The following PRR5L variants were observed in gnomAD, a reference collection of about 807,000 sequenced individuals.
The protein encoded by PRR5L is proline rich 5 like, also known as proline-rich protein 5-like.
A neutral mutation model predicts 36.4 loss-of-function variants in PRR5L; 21 were observed. The observed-to-expected ratio is 0.58, with a 90% CI of 0.41 to 0.83. The LOEUF is 0.83. PRR5L is among the 40% of genes least tolerant of loss of function. The probability of loss-of-function intolerance (pLI) is 0.00; values close to 1 mark genes in which losing one functional copy is unlikely to be tolerated. For missense variants in PRR5L, 381 were observed against 473.3 expected (o/e 0.80, Z 1.81); for synonymous variants, 188 against 197.0 (o/e 0.95, Z 0.38).
chr11:36,360,075 C>CCA (rs34673599), intron 1 of PRR5L, among the ~76,000 whole-genome samples: 208 of 148,208 alleles, frequency 1.4e-3, no homozygotes, highest in African/African-American at 3.7e-3. Flanking sequence ...ACACACACAC[C>CCA]CACACACACA....
rs547326960 is a variant in PRR5L at position 36,428,223 on chromosome 11, G to A, written c.295-3630G>A. On this transcript the variant is annotated intron_variant, in intron 4 of 8. Transcript: ENST00000530639. ...TGTAGGTGCCTGAAAATCCCTCCTG[G>A]GGAGGTGGTGAGGAGGCAGGGCCAT... is the stretch of plus-strand genomic sequence containing the variant. 2.0e-5 allele frequency among the ~76,000 whole-genome samples: 3 copies of A among 152,274 alleles called. No homozygotes were observed. In the South Asian group the frequency reaches 6.2e-4, roughly 32 times the overall value.
Position 36,464,718 on chromosome 11 carries a change from T to G in PRR5L, c.*1982T>G, listed in dbSNP as rs1590621306. The G allele has an allele frequency of 6.6e-6, 1 of 152,296 alleles. No individual in the cohort carries two copies. The highest frequency in any genetic ancestry group is 2.4e-5 in the African/African-American group (1 of 41,574). The allele number at this position is 152,296 out of a possible 1,614,324, so 9.4% of individuals were successfully genotyped here. On this transcript the variant is annotated 3_prime_UTR_variant, in exon 9 of 9. Transcript: ENST00000530639. ...AGTAATTAATTAATCATGCTTGGGC[T>G]TACTTTTTCAGTTTGTAAGGTTAAG... is the stretch of plus-strand genomic sequence containing the variant.
intron 1 of PRR5L, among the ~76,000 whole-genome samples, chr11:36,367,852 T>C (rs1056244021): frequency 2.0e-5 from 3 of 151,664 alleles, no homozygotes; most frequent in African/African-American, 7.3e-5. Flanking sequence ...CCAGGGTGTA[T>C]GTGAGGGAGT....
intron 1 of PRR5L, among the ~76,000 whole-genome samples, chr11:36,327,771 T>C (rs1037426357): frequency 2.0e-5 from 3 of 152,208 alleles, no homozygotes; most frequent in Admixed American, 6.5e-5. Context: ...GGTCTTTAGA[T>C]AATAACTCTT....
At chr11:36,459,521 G>A (rs1488385505) in intron 8 of PRR5L, among the ~76,000 whole-genome samples, 1 of 152,162 alleles carries the variant, frequency 6.6e-6, no homozygotes, top group Non-Finnish European at 1.5e-5. Context: ...GGCTTACCCG[G>A]TTTTTGGAGG....
chr11:36,348,188 A>AC (rs1856886696), intron 1 of PRR5L, among the ~76,000 whole-genome samples: 1 of 151,978 alleles, frequency 6.6e-6, no homozygotes, highest in South Asian at 2.1e-4. Flanking sequence ...GGTCCCCTTA[A>AC]CTTCACAACA....
In PRR5L at chr11:36,464,416, G is replaced by T. The variant is rs1035889338; in HGVS notation, c.*1680G>T. 1 of 152,166 alleles carries T rather than the reference G, an allele frequency of 6.6e-6. No individual in the cohort carries two copies. The highest frequency in any genetic ancestry group is 2.4e-5 in the African/African-American group (1 of 41,432). The allele number at this position is 152,166 out of a possible 1,614,324, so 9.4% of individuals were successfully genotyped here. A position where few individuals can be genotyped will look rare whatever the true frequency, so the allele number is the denominator to read the frequency against. ...ATTGATTAGAATTGTGCTCTTGATGGCTGGGAATTTAGAAATTTTATTTTA... is the reference window on the plus strand; with the variant it reads ...ATTGATTAGAATTGTGCTCTTGATGTCTGGGAATTTAGAAATTTTATTTTA... On this transcript the variant is annotated 3_prime_UTR_variant, in exon 9 of 9. Coordinates refer to ENST00000530639, the MANE Select transcript of PRR5L (RefSeq NM_001160167.2).
chr11:36,384,936 G>A (rs1286761049), intron 1 of PRR5L, among the ~76,000 whole-genome samples: 4 of 150,818 alleles, frequency 2.7e-5, no homozygotes, highest in Non-Finnish European at 5.9e-5. Flanking sequence ...CTCCTAAATT[G>A]CTGGGATTAT....
rs143727469 is a variant in PRR5L, at chr11:36,324,295, AT to A, written c.-126+27858del. Among the ~76,000 whole-genome samples, 928 of 152,306 alleles carry A rather than the reference AT, an allele frequency of 6.1e-3. 12 individuals carry two copies. Among genetic ancestry groups the A allele is most frequent in the African/African-American group, 0.021 (878 of 41,536 alleles). Reference sequence around the variant, plus strand: ...GTGTTCCAGAAGCCAGACCCAAAAAATATATACTGCATCATTCAATTTAGAT... The same window carrying A: ...GTGTTCCAGAAGCCAGACCCAAAAAAATATACTGCATCATTCAATTTAGAT... On this transcript the variant is annotated intron_variant, in intron 1 of 8. Transcript: ENST00000530639.
chr11:36,341,099 G>A (rs1271526639), intron 1 of PRR5L, among the ~76,000 whole-genome samples: 1 of 152,144 alleles, frequency 6.6e-6, no homozygotes, highest in Non-Finnish European at 1.5e-5. Flanking sequence ...GAAACATGGT[G>A]CTGGACTAAG....
At chr11:36,419,452 G>A (rs1052509047) in intron 4 of PRR5L, 149 bp downstream of exon 4, 4 of 718,180 alleles carry the variant, frequency 5.6e-6, no homozygotes, top group Non-Finnish European at 5.1e-6. Context: ...CGTTGCAGAG[G>A]GGCACCACTC....
chr11:36,442,857 T>G (rs530547059), intron 6 of PRR5L, among the ~76,000 whole-genome samples: 162 of 152,286 alleles, frequency 1.1e-3, no homozygotes, highest in Non-Finnish European at 2.0e-3. Flanking sequence ...TATTACCATT[T>G]AACTAGTCTC....
At chr11:36,312,277 A>G (rs1590431146) in intron 1 of PRR5L, among the ~76,000 whole-genome samples, 1 of 152,228 alleles carries the variant, frequency 6.6e-6, no homozygotes, top group Non-Finnish European at 1.5e-5. Context: ...ATCATGAGTC[A>G]TCAGAGTGTA....
chr11:36,395,824 C>T (rs7112360), intron 1 of PRR5L, among the ~76,000 whole-genome samples: 20,930 of 152,052 alleles, frequency 0.14, 1,973 homozygotes, highest in African/African-American at 0.27. Context: ...TGGGCCCAAG[C>T]GATCATCCTG....
chr11:36,427,396 G>A (rs1032719782), intron 4 of PRR5L, among the ~76,000 whole-genome samples: 1 of 152,054 alleles, frequency 6.6e-6, no homozygotes, highest in Non-Finnish European at 1.5e-5. Context: ...GCCTGGGGAG[G>A]TGGTGGGGTT....
intron 1 of PRR5L, among the ~76,000 whole-genome samples, chr11:36,360,180 T>A (rs1857072139): frequency 6.6e-6 from 1 of 152,302 alleles, no homozygotes; most frequent in South Asian, 2.1e-4. Context: ...TGCTACCTTG[T>A]GTCTAGTAGA....
intron 1 of PRR5L, among the ~76,000 whole-genome samples, chr11:36,389,989 C>G (rs1857534508): frequency 6.6e-6 from 1 of 152,168 alleles, no homozygotes; most frequent in African/African-American, 2.4e-5. Context: ...CAGAGAATAT[C>G]TGTGGAATTC....
Position 36,462,678 on chromosome 11 carries a change from A to C in PRR5L, c.1049A>C (p.Glu350Ala), listed in dbSNP as rs762010728. The change falls in exon 9 of 9, where the codon GAG becomes GCG. Residue 350 changes from glutamate to alanine, a missense_variant. Physicochemically the swap from Glu to Ala is moderately radical, Grantham distance 107. Transcript: ENST00000530639. ...ATCACTGACAACCCTGACGGACTGG[A>C]GGAGGGGGCCAGGGGCAGCCAGGAG... ...PNITDNPDGL[E>A]EGARGSQEGS... 3.1e-6 allele frequency: 5 copies of C among 1,607,012 alleles called. No individual in the cohort carries two copies. In the South Asian group the frequency reaches 4.4e-5, roughly 14 times the overall value.
At chr11:36,314,898 T>C (rs537818797) in intron 1 of PRR5L, among the ~76,000 whole-genome samples, 2 of 152,318 alleles carry the variant, frequency 1.3e-5, no homozygotes, top group Admixed American at 1.3e-4. Flanking sequence ...AAAATGAAGA[T>C]AATGCAAGGA....
Sources: allele counts gnomAD v4.1 joint callset (sites outside exome capture counted in the v4.1 genomes callset), GRCh38; gene constraint gnomAD v4.1.1; transcripts MANE v1.5; gene names NCBI Gene and HGNC (gene_info 2026-07-23, HGNC 2026-07-21).